The following CDK17 variants were observed in gnomAD, a reference collection of about 807,000 sequenced individuals.
The protein encoded by CDK17 is cyclin dependent kinase 17.
Under a neutral mutation model 77.6 loss-of-function variants are expected in CDK17, and 24 were observed. That is an observed-to-expected ratio of 0.31 (90% CI 0.22 to 0.44). The LOEUF (loss-of-function observed/expected upper bound fraction) is 0.44, where lower values mean the gene tolerates loss of function less well. Among genes scored for constraint, CDK17 ranks in the 20% least tolerant of loss-of-function variants. The probability of loss-of-function intolerance (pLI) is 1.00; values close to 1 mark genes in which losing one functional copy is unlikely to be tolerated. For missense variants in CDK17, 429 were observed against 622.5 expected, an observed-to-expected ratio of 0.69 and a Z score of 3.31; for synonymous variants, 203 against 210.4, an observed-to-expected ratio of 0.96 and a Z score of 0.30.
At chr12:96,305,771 T>G (rs2137095360) in intron 5 of CDK17, among the ~76,000 whole-genome samples, 1 of 152,070 alleles carries the variant, frequency 6.6e-6, no homozygotes, top group East Asian at 1.9e-4. Context: ...AAGGCTGGAG[T>G]GCAGTGGTGC....
chr12:96,380,273 T>A (rs1045417526), intron 1 of CDK17, among the ~76,000 whole-genome samples: 8 of 116,044 alleles, frequency 6.9e-5, no homozygotes, highest in Non-Finnish European at 1.2e-4. Context: ...CAAGTAGCTC[T>A]TTTTAGCTGG....
chr12:96,383,157 T>C (rs1008855167), intron 1 of CDK17, among the ~76,000 whole-genome samples: 4 of 152,126 alleles, frequency 2.6e-5, no homozygotes, highest in African/African-American at 9.7e-5. Flanking sequence ...CAATCTTATT[T>C]ACAATAGCCC....
At chr12:96,319,751 C>T (rs12230813) in intron 3 of CDK17, among the ~76,000 whole-genome samples, 7,780 of 102,970 alleles carry the variant, frequency 0.076, 383 homozygotes, top group South Asian at 0.17. Flanking sequence ...ATTCAACAAC[C>T]CTTCATGCTA....
chr12:96,321,962 A>T (rs569549264), intron 3 of CDK17, among the ~76,000 whole-genome samples: 3 of 152,194 alleles, frequency 2.0e-5, no homozygotes, highest in Non-Finnish European at 4.4e-5. Context: ...AGTATAATAA[A>T]AAAAAAAAAT....
chr12:96,366,902 A>T (rs1209141665), intron 1 of CDK17, among the ~76,000 whole-genome samples: 2 of 152,192 alleles, frequency 1.3e-5, no homozygotes, highest in African/African-American at 4.8e-5. Context: ...ACACCTACGC[A>T]TATTTTAACC....
Position 96,294,611 on chromosome 12 carries a change from A to AAT in CDK17, c.997+387_997+388insAT, listed in dbSNP as rs71097274. Among the ~76,000 whole-genome samples, 219 of 121,304 alleles carry AAT rather than the reference A, an allele frequency of 1.8e-3. 5 individuals carry two copies. The highest frequency in any genetic ancestry group is 6.4e-3 in the African/African-American group (209 of 32,464). 79.6% of individuals were successfully genotyped at this position (121,304 alleles called of 152,430 possible). A position where few individuals can be genotyped will look rare whatever the true frequency, so the allele number is the denominator to read the frequency against. ...AAAAAAAAAAAAAAAAAAAAAAAAA[A>AAT]GATATATTTTGGTGCCACTACTTTG... On this transcript the variant is annotated intron_variant, in intron 10 of 16. Coordinates refer to ENST00000261211, the MANE Select transcript of CDK17 (RefSeq NM_002595.5).
Position 96,323,970 on chromosome 12 carries a change from C to T in CDK17, c.261G>A (p.Met87Ile). The stretch of plus-strand genomic sequence containing the variant: ...TACCTAATCTGCTTCCATTTCTGGG[C>T]ATTGCCATGAAGGAGCCAAGGCTCC... ...IGGSLGSFMA[M>I]PRNGSRLDIV... is the part of the protein sequence containing the mutation. Residue 87 changes from methionine to isoleucine, a missense_variant, in exon 3 of 17, where the codon ATG becomes ATA. Met to Ile is a conservative substitution (Grantham distance 10). Coordinates refer to ENST00000261211, the MANE Select transcript of CDK17 (RefSeq NM_002595.5). The T allele has an allele frequency of 6.3e-7, 1 of 1,596,890 alleles. No individual in the cohort carries two copies. The highest frequency in any genetic ancestry group is 8.5e-7 in the Non-Finnish European group (1 of 1,172,246).
At chr12:96,388,403 C>G (rs1461198697) in intron 1 of CDK17, among the ~76,000 whole-genome samples, 1 of 152,176 alleles carries the variant, frequency 6.6e-6, no homozygotes, top group African/African-American at 2.4e-5. Flanking sequence ...CACCTCCACC[C>G]CCAAACATAC....
intron 1 of CDK17, among the ~76,000 whole-genome samples, chr12:96,372,116 A>G (rs893710094): frequency 2.6e-5 from 4 of 152,196 alleles, no homozygotes; most frequent in African/African-American, 9.7e-5. Context: ...TGACAATAAT[A>G]GTTATAACAT....
chr12:96,306,338 G>A (rs80022015), intron 5 of CDK17, among the ~76,000 whole-genome samples: 4,434 of 151,996 alleles, frequency 0.029, 102 homozygotes, highest in East Asian at 0.086. Context: ...AGGCCAAAGC[G>A]GGAGGACTGC....
intron 1 of CDK17, among the ~76,000 whole-genome samples, chr12:96,391,735 AC>A (rs774117625): frequency 2.4e-4 from 37 of 152,074 alleles, no homozygotes; most frequent in Non-Finnish European, 4.4e-4. Flanking sequence ...TGAAGGCCAC[AC>A]CCCTTTTCTC....
At chr12:96,379,177 C>G (rs956395736) in intron 1 of CDK17, among the ~76,000 whole-genome samples, 1 of 152,028 alleles carries the variant, frequency 6.6e-6, no homozygotes, top group Admixed American at 6.6e-5. Flanking sequence ...TCAAGTCAAA[C>G]TCAGTTGAAT....
At position 96,285,993 on chromosome 12, in the gene CDK17, T is replaced by C. The variant is rs367878815; in HGVS notation, c.1322+50A>G. 200 of 894,626 alleles carry C rather than the reference T, an allele frequency of 2.2e-4. 2 individuals are homozygous for C. Among genetic ancestry groups the C allele is most frequent in the African/African-American group, 8.1e-4 (48 of 59,074 alleles). 55.4% of individuals were successfully genotyped at this position (894,626 alleles called of 1,614,324 possible). On this transcript the variant is annotated intron_variant, in intron 13 of 16. Coordinates refer to ENST00000261211, the MANE Select transcript of CDK17 (RefSeq NM_002595.5). ...TTACTGTGGCTAATCCTTCAAAAGA[T>C]TGAAAAGAATCATGTGTTTTCCCCC... is the stretch of plus-strand genomic sequence containing the variant.
intron 1 of CDK17, among the ~76,000 whole-genome samples, chr12:96,337,223 C>G (rs1565825381): frequency 6.6e-6 from 1 of 151,982 alleles, no homozygotes; most frequent in Non-Finnish European, 1.5e-5. Flanking sequence ...AGGGCCAGAA[C>G]ACCACCACAA....
In CDK17 at chr12:96,301,626, C is replaced by A. The variant is rs555766075; in HGVS notation, c.544-1266G>T. On this transcript the variant is annotated intron_variant, in intron 5 of 16. Transcript: ENST00000261211. ...CCACTTGCTTAGAATGGTGCTAATG[C>A]CCTTAAATAAAAAGCCAGTTAAAGG... Among the ~76,000 whole-genome samples, 8 of 152,082 alleles carry A rather than the reference C, an allele frequency of 5.3e-5. No individual in the cohort carries two copies. In the East Asian group the frequency reaches 1.5e-3, roughly 29 times the overall value.
chr12:96,369,648 C>G (rs1259297096), intron 1 of CDK17, among the ~76,000 whole-genome samples: 1 of 152,148 alleles, frequency 6.6e-6, no homozygotes, highest in Non-Finnish European at 1.5e-5. Flanking sequence ...CGTGATGGTG[C>G]ATGCCTGTAG....
At chr12:96,334,402 A>C (rs1051625159) in intron 2 of CDK17, among the ~76,000 whole-genome samples, 1 of 152,238 alleles carries the variant, frequency 6.6e-6, no homozygotes, top group Non-Finnish European at 1.5e-5. Flanking sequence ...AATAAAAAAA[A>C]TTAATAGTTA....
At chr12:96,311,624 G>GTTTTTTTTTTT (rs1952646970) in intron 4 of CDK17, among the ~76,000 whole-genome samples, 2 of 140,124 alleles carry the variant, frequency 1.4e-5, no homozygotes, top group Non-Finnish European at 3.1e-5. Flanking sequence ...TACAATGTGA[G>GTTTTTTTTTTT]CTGGGATAAA....
chr12:96,297,872 G>A (rs1453436124), intron 7 of CDK17, 151 bp from the exon 8 acceptor site: 11 of 462,490 alleles, frequency 2.4e-5, no homozygotes, highest in Admixed American at 1.2e-4. Flanking sequence ...TTGAGAGACC[G>A]AGGCAGGCGG....
Sources: allele counts gnomAD v4.1 joint callset (sites outside exome capture counted in the v4.1 genomes callset), GRCh38; gene constraint gnomAD v4.1.1; transcripts MANE v1.5; gene names NCBI Gene and HGNC (gene_info 2026-07-23, HGNC 2026-07-21).